The following PLCL2 variants were observed in gnomAD, a reference collection of about 807,000 sequenced individuals.
PLCL2 encodes the protein phospholipase C like 2.
In PLCL2, 4 loss-of-function variants were observed where a neutral mutation model predicts 79.6. That is an observed-to-expected ratio of 0.05 (90% CI 0.02 to 0.11). PLCL2 has a LOEUF of 0.11. Among genes scored for constraint, PLCL2 ranks in the 10% least tolerant of loss-of-function variants. The pLI is 1.00. For synonymous variants in PLCL2, 484 were observed against 457.7 expected, an observed-to-expected ratio of 1.06 and a Z score of -0.73; for missense variants, 895 against 1,291.0, an observed-to-expected ratio of 0.69 and a Z score of 4.70.
At chr3:17,089,340 G>A (rs1304053681) in intron 5 of PLCL2, among the ~76,000 whole-genome samples, 1 of 152,048 alleles carries the variant, frequency 6.6e-6, no homozygotes, top group Non-Finnish European at 1.5e-5. Flanking sequence ...TACTATATTT[G>A]TATCCTTCTG....
At position 17,085,954 on chromosome 3, in the gene PLCL2, G is replaced by T. The variant is rs114669846; in HGVS notation, c.3205-3779G>T. Among the ~76,000 whole-genome samples the T allele has an allele frequency of 5.8e-3, 887 of 152,226 alleles. 15 individuals are homozygous for T. The highest frequency in any genetic ancestry group is 0.021 in the African/African-American group (856 of 41,528). On this transcript the variant is annotated intron_variant, in intron 5 of 5. Coordinates refer to ENST00000615277, the MANE Select transcript of PLCL2 (RefSeq NM_001144382.2). ...AGAGATATTCCATATTCATGGATGGGAAGACTTAATATTGTCAAGATATCA... is the reference window on the plus strand; with the variant it reads ...AGAGATATTCCATATTCATGGATGGTAAGACTTAATATTGTCAAGATATCA...
chr3:16,950,159 C>T (rs892475298), intron 1 of PLCL2, among the ~76,000 whole-genome samples: 10 of 152,196 alleles, frequency 6.6e-5, no homozygotes, highest in African/African-American at 2.4e-4. Flanking sequence ...ATCAACCTCT[C>T]AATTCCTTGC....
chr3:17,052,236 C>CAAAAAA (rs35316797), intron 4 of PLCL2, among the ~76,000 whole-genome samples: 1 of 97,242 alleles, frequency 1.0e-5, no homozygotes, highest in Admixed American at 1.1e-4. Flanking sequence ...GTGAATATGG[C>CAAAAAA]AAAAAAAAAA....
In PLCL2 at chr3:16,910,678, A is replaced by G. The variant is rs372467080; in HGVS notation, c.327+25312A>G. On this transcript the variant is annotated intron_variant, in intron 1 of 5. Transcript: ENST00000615277. ...TACATCTCTACCCCGACTCTCTTCTATGATCCAAGCATATATGTCCTACTA... is the reference window on the plus strand; with the variant it reads ...TACATCTCTACCCCGACTCTCTTCTGTGATCCAAGCATATATGTCCTACTA... 1.3e-4 allele frequency among the ~76,000 whole-genome samples: 20 copies of G among 152,034 alleles called. No homozygotes were observed. In the East Asian group the frequency reaches 1.9e-3, roughly 15 times the overall value.
chr3:17,041,200 G>C (rs1415499192), intron 3 of PLCL2, among the ~76,000 whole-genome samples: 5 of 152,134 alleles, frequency 3.3e-5, no homozygotes, highest in Non-Finnish European at 7.3e-5. Context: ...CTGTAAAATA[G>C]AATATTTTAA....
At chr3:16,956,380 C>A (rs949111333) in intron 1 of PLCL2, among the ~76,000 whole-genome samples, 105 of 152,152 alleles carry the variant, frequency 6.9e-4, no homozygotes, top group African/African-American at 2.3e-3. Context: ...GGATGAAGCC[C>A]ACTTGATCAT....
intron 4 of PLCL2, among the ~76,000 whole-genome samples, chr3:17,060,366 G>A (rs1029012389): frequency 6.6e-6 from 1 of 152,174 alleles, no homozygotes; most frequent in Non-Finnish European, 1.5e-5. Context: ...ATCTCATGTG[G>A]AATGGGATTT....
intron 1 of PLCL2, among the ~76,000 whole-genome samples, chr3:16,914,659 C>T (rs747227043): frequency 1.3e-5 from 2 of 150,638 alleles, no homozygotes; most frequent in South Asian, 2.1e-4. Context: ...AATTTGTTAG[C>T]GTCTTCTTGT....
chr3:16,890,295 G>T (rs1157386210), intron 1 of PLCL2, among the ~76,000 whole-genome samples: 2 of 152,194 alleles, frequency 1.3e-5, no homozygotes. Context: ...ATAGGCAACT[G>T]ACAGGAAATT....
At chr3:16,958,099 A>G (rs564403148) in intron 1 of PLCL2, among the ~76,000 whole-genome samples, 39 of 152,282 alleles carry the variant, frequency 2.6e-4, no homozygotes, top group South Asian at 6.2e-4. Context: ...TGTGCTCGTT[A>G]GTTGATGCAG....
At chr3:16,954,424 C>T (rs908385587) in intron 1 of PLCL2, among the ~76,000 whole-genome samples, 70 of 152,160 alleles carry the variant, frequency 4.6e-4, no homozygotes, top group African/African-American at 4.8e-4. Context: ...TCCAGTCTAT[C>T]GTTGTTGGAC....
chr3:17,009,632 A>G lies in PLCL2; in HGVS notation c.328-42A>G. 2.9e-6 allele frequency: 3 copies of G among 1,026,932 alleles called. No homozygotes were observed. The highest frequency in any genetic ancestry group is 1.6e-5 in the African/African-American group (1 of 61,626). 63.6% of individuals were successfully genotyped at this position (1,026,932 alleles called of 1,614,324 possible). On this transcript the variant is annotated intron_variant, in intron 1 of 5. Coordinates refer to ENST00000615277, the MANE Select transcript of PLCL2 (RefSeq NM_001144382.2). The surrounding 1 kb of genome is among the most constrained non-coding windows in gnomAD (Gnocchi z 4.0). ...TTCATAATCTTGAACATAGAAACCT[A>G]TATTTATGTTATTCTAATATACGGT...
At chr3:17,086,696 G>A (rs1424109681) in intron 5 of PLCL2, among the ~76,000 whole-genome samples, 2 of 152,166 alleles carry the variant, frequency 1.3e-5, no homozygotes, top group Non-Finnish European at 2.9e-5. Flanking sequence ...ATAAAGTACT[G>A]TTTTCCAAAA....
At chr3:16,944,198 A>C (rs535198706) in intron 1 of PLCL2, among the ~76,000 whole-genome samples, 3 of 152,238 alleles carry the variant, frequency 2.0e-5, no homozygotes, top group Non-Finnish European at 4.4e-5. Flanking sequence ...GATTCAGTGA[A>C]GTGTAATGCA....
At chr3:17,015,234 G>C (rs1485578332) in intron 3 of PLCL2, among the ~76,000 whole-genome samples, 1 of 152,172 alleles carries the variant, frequency 6.6e-6, no homozygotes, top group East Asian at 1.9e-4. Context: ...TTCTCCTGCA[G>C]CCAGTCATTG....
intron 3 of PLCL2, among the ~76,000 whole-genome samples, chr3:17,036,107 G>A (rs1432293455): frequency 1.3e-5 from 2 of 152,048 alleles, no homozygotes; most frequent in Non-Finnish European, 2.9e-5. Flanking sequence ...AAGGGAGGAC[G>A]ACCACAGCTC....
chr3:17,035,234 C>G (rs140746311), intron 3 of PLCL2, among the ~76,000 whole-genome samples: 1,610 of 151,910 alleles, frequency 0.011, 15 homozygotes, highest in Middle Eastern at 0.02. Context: ...GCTGGAAGTT[C>G]ACATCCTAAA....
intron 1 of PLCL2, among the ~76,000 whole-genome samples, chr3:16,998,855 A>C (rs2064179676): frequency 6.6e-6 from 1 of 152,176 alleles, no homozygotes; most frequent in Non-Finnish European, 1.5e-5. Context: ...GGAACCTTTA[A>C]CCTGACTTTG....
At chr3:17,030,564 A>G (rs765058376) in intron 3 of PLCL2, among the ~76,000 whole-genome samples, 4 of 152,202 alleles carry the variant, frequency 2.6e-5, no homozygotes, top group Non-Finnish European at 5.9e-5. Flanking sequence ...TTGCTAAGCA[A>G]GTTGTCTCTC....
Sources: gnomAD v4.1 joint callset for allele counts (sites outside exome capture counted in the v4.1 genomes callset) on GRCh38, gnomAD v4.1.1 for gene constraint, Gnocchi (gnomAD v3.1) non-coding constraint, MANE v1.5 for transcripts, NCBI Gene and HGNC (gene_info 2026-07-23, HGNC 2026-07-21) for gene names.